The following RAPGEF2 variants were observed in gnomAD, a reference collection of about 807,000 sequenced individuals.
RAPGEF2 encodes PDZ domain containing guanine nucleotide exchange factor (GEF) 1.
Under a neutral mutation model 186.7 loss-of-function variants are expected in RAPGEF2, and 54 were observed. The ratio of observed to expected loss-of-function variants is 0.29; its 90% confidence interval spans 0.23 to 0.36. The LOEUF is 0.36. Among genes scored for constraint, RAPGEF2 ranks in the 10% least tolerant of loss-of-function variants. The probability of loss-of-function intolerance (pLI) is 1.00; values close to 1 mark genes in which losing one functional copy is unlikely to be tolerated. For missense variants in RAPGEF2, 1,532 were observed against 2,045.0 expected, an observed-to-expected ratio of 0.75 and a Z score of 4.84; for synonymous variants, 712 against 705.9, an observed-to-expected ratio of 1.01 and a Z score of -0.14.
intron 4 of RAPGEF2, among the ~76,000 whole-genome samples, chr4:159,218,344 T>C (rs1252103394): frequency 6.6e-6 from 1 of 152,218 alleles, no homozygotes; most frequent in Non-Finnish European, 1.5e-5. Flanking sequence ...GTTTTACAAG[T>C]AATATACTGG....
chr4:159,295,786 GT>G, intron 7 of RAPGEF2, among the ~76,000 whole-genome samples: 1 of 149,212 alleles, frequency 6.7e-6, no homozygotes, highest in African/African-American at 2.4e-5. Flanking sequence ...TGCACATAAT[GT>G]TTTTTCTGAC....
chr4:159,134,118 T>G (rs1188149425), intron 1 of RAPGEF2, among the ~76,000 whole-genome samples: 1 of 152,224 alleles, frequency 6.6e-6, no homozygotes, highest in Non-Finnish European at 1.5e-5. Flanking sequence ...TGTGCCTTTG[T>G]GCCTTTTTGT....
intron 24 of RAPGEF2, among the ~76,000 whole-genome samples, chr4:159,346,152 G>A (rs79390781): frequency 0.026 from 3,978 of 152,254 alleles, 72 homozygotes; most frequent in Non-Finnish European, 0.039. Context: ...GTTTCCAGGC[G>A]TGTAAAAGGG....
Position 159,164,109 on chromosome 4 carries a change from A to G in RAPGEF2, c.70-22533A>G, listed in dbSNP as rs1479252621. 2.6e-5 allele frequency among the ~76,000 whole-genome samples: 4 copies of G among 151,328 alleles called. 1 individual carries two copies. The East Asian group carries it at 5.8e-4, about 22-fold the overall frequency. ...AAGCTCCACCTCCTGGGTTCACGCC[A>G]TTCTCCTGCCTCAGCCTCCTGAGTA... On this transcript the variant is annotated intron_variant, in intron 1 of 29. Transcript: ENST00000691494.
At chr4:159,149,421 G>T (rs892627377) in intron 1 of RAPGEF2, among the ~76,000 whole-genome samples, 2 of 151,964 alleles carry the variant, frequency 1.3e-5, no homozygotes, top group Non-Finnish European at 2.9e-5. Flanking sequence ...ACCACACCCG[G>T]CTAATTTTTG....
chr4:159,117,516 G>A (rs1739174686), intron 1 of RAPGEF2, among the ~76,000 whole-genome samples: 2 of 151,656 alleles, frequency 1.3e-5, no homozygotes, highest in Admixed American at 1.3e-4. Flanking sequence ...TCTGTGGGAG[G>A]CAACATGCTA....
chr4:159,135,362 A>G (rs1013382559), intron 1 of RAPGEF2, among the ~76,000 whole-genome samples: 1 of 151,938 alleles, frequency 6.6e-6, no homozygotes, highest in Non-Finnish European at 1.5e-5. Context: ...ATTTCTTTTT[A>G]TGGCCAAGTA....
Position 159,331,951 on chromosome 4 carries a change from T to C in RAPGEF2, c.1805T>C (p.Phe602Ser). 2 of 1,607,622 alleles carry C rather than the reference T, an allele frequency of 1.2e-6. No individual in the cohort carries two copies. Among genetic ancestry groups the C allele is most frequent in the Non-Finnish European group, 1.7e-6 (2 of 1,178,218 alleles). The change falls in exon 16 of 30, where the codon TTT becomes TCT. Residue 602 changes from phenylalanine (F) to serine (S), a missense_variant. Transcript: ENST00000691494. Reference protein sequence around the residue: ...DQILEVNGQNFENIQLSKAME... With the variant: ...DQILEVNGQNSENIQLSKAME... ...ATATTAGAAGTAAATGGCCAAAACT[T>C]TGAAAACATTCAGCTGTCAAAAGCT...
chr4:159,259,396 T>G (rs1200717433), intron 7 of RAPGEF2, among the ~76,000 whole-genome samples: 1 of 152,248 alleles, frequency 6.6e-6, no homozygotes, highest in East Asian at 1.9e-4. Context: ...TTATGGACTT[T>G]GGTTGATGAA....
intron 17 of RAPGEF2, among the ~76,000 whole-genome samples, chr4:159,335,905 C>T (rs947543861): frequency 6.6e-5 from 10 of 150,834 alleles, no homozygotes; most frequent in South Asian, 2.1e-4. Flanking sequence ...CCTTTTGTGC[C>T]GGAGTGGCCA....
intron 1 of RAPGEF2, among the ~76,000 whole-genome samples, chr4:159,114,486 C>A (rs1285754955): frequency 1.3e-5 from 2 of 152,056 alleles, no homozygotes; most frequent in South Asian, 4.1e-4. Flanking sequence ...ATCTTCTCCT[C>A]TCGGCCTCCC....
At chr4:159,219,419 G>A (rs568118550) in intron 4 of RAPGEF2, among the ~76,000 whole-genome samples, 7 of 133,556 alleles carry the variant, frequency 5.2e-5, no homozygotes, top group Middle Eastern at 5.0e-3. Flanking sequence ...GCAGTGGTGC[G>A]ATCTGGGCTC....
rs1031093840 is a variant in RAPGEF2, at chr4:159,173,728, C to T, written c.70-12914C>T. On this transcript the variant is annotated intron_variant, in intron 1 of 29. Coordinates refer to ENST00000691494, the MANE Select transcript of RAPGEF2 (RefSeq NM_001394067.2). ...AGAGAGAGAGTGTATGTCTGTGCCT[C>T]TGTTCTCTGTGTGTATACGCAGCTG... Among the ~76,000 whole-genome samples the T allele has an allele frequency of 2.6e-5, 4 of 152,216 alleles. No homozygotes were observed. The South Asian group carries it at 8.3e-4, about 32-fold the overall frequency.
intron 4 of RAPGEF2, among the ~76,000 whole-genome samples, chr4:159,227,825 T>C (rs1752199252): frequency 6.6e-6 from 1 of 152,208 alleles, no homozygotes; most frequent in Non-Finnish European, 1.5e-5. Context: ...CATGCTGTTT[T>C]GATTTAAATT....
At chr4:159,248,359 A>G (rs2111500092) in intron 7 of RAPGEF2, among the ~76,000 whole-genome samples, 1 of 152,336 alleles carries the variant, frequency 6.6e-6, no homozygotes, top group African/African-American at 2.4e-5. Flanking sequence ...AAATTTTACT[A>G]AAATTTATTG....
At chr4:159,222,300 G>C (rs187755199) in intron 4 of RAPGEF2, among the ~76,000 whole-genome samples, 1 of 152,186 alleles carries the variant, frequency 6.6e-6, no homozygotes, top group Non-Finnish European at 1.5e-5. Flanking sequence ...GGGATTGGTA[G>C]TGTCTTAACA....
intron 1 of RAPGEF2, among the ~76,000 whole-genome samples, chr4:159,113,135 A>G (rs1352801859): frequency 6.6e-6 from 1 of 152,244 alleles, no homozygotes; most frequent in Non-Finnish European, 1.5e-5. Context: ...GAACTGCCAC[A>G]CATTGGAAGA....
intron 4 of RAPGEF2, among the ~76,000 whole-genome samples, chr4:159,215,362 A>G (rs532446532): frequency 3.3e-5 from 5 of 149,570 alleles, no homozygotes; most frequent in Non-Finnish European, 7.4e-5. Flanking sequence ...TTTGGGGGAA[A>G]GATGGGGTTC....
intron 1 of RAPGEF2, among the ~76,000 whole-genome samples, chr4:159,163,821 G>GATTATT (rs1030512521): frequency 1.3e-5 from 2 of 152,102 alleles, no homozygotes; most frequent in African/African-American, 2.4e-5. Flanking sequence ...AAAACAAAGG[G>GATTATT]ATTATTACAT....
Sources: gnomAD v4.1 joint callset for allele counts (sites outside exome capture counted in the v4.1 genomes callset) on GRCh38, gnomAD v4.1.1 for gene constraint, MANE v1.5 for transcripts, NCBI Gene and HGNC (gene_info 2026-07-23, HGNC 2026-07-21) for gene names.